UBR3: variants seen among roughly 807,000 people sequenced by gnomAD.
The protein encoded by UBR3 is ubiquitin protein ligase E3 component n-recognin 3.
UBR3 carries 85 observed loss-of-function variants against 243.2 expected under a neutral mutation model. The observed-to-expected ratio is 0.35, with a 90% CI of 0.29 to 0.42. The LOEUF (loss-of-function observed/expected upper bound fraction) is 0.42, where lower values mean the gene tolerates loss of function less well. UBR3 is among the 10% of genes least tolerant of loss of function. The probability of loss-of-function intolerance (pLI) is 1.00; values close to 1 mark genes in which losing one functional copy is unlikely to be tolerated. For synonymous variants in UBR3, 748 were observed against 799.8 expected (o/e 0.94, Z 1.09); for missense variants, 1,686 against 2,300.8 (o/e 0.73, Z 5.47).
chr2:169,989,729 G>A (rs1160402194), intron 25 of UBR3, among the ~76,000 whole-genome samples: 1 of 152,060 alleles, frequency 6.6e-6, no homozygotes, highest in Non-Finnish European at 1.5e-5. Flanking sequence ...AGATAGTGGG[G>A]TTTAAAAATC....
intron 23 of UBR3, among the ~76,000 whole-genome samples, chr2:169,957,954 T>G (rs1410313104): frequency 6.6e-6 from 1 of 152,204 alleles, no homozygotes; most frequent in Non-Finnish European, 1.5e-5. Context: ...GTTCATTCTC[T>G]GTTAGGAGAG....
At chr2:170,042,798 GTAAT>G (rs1309397435) in intron 32 of UBR3, among the ~76,000 whole-genome samples, 3 of 151,138 alleles carry the variant, frequency 2.0e-5, no homozygotes, top group East Asian at 3.9e-4. Flanking sequence ...ACTTCTTCAG[GTAAT>G]TATATATTTA....
At chr2:170,055,379 G>A (rs2091310627) in intron 32 of UBR3, 81 bp from the exon 33 acceptor site, 1 of 1,490,650 alleles carries the variant, frequency 6.7e-7, no homozygotes, top group Non-Finnish European at 9.1e-7. Flanking sequence ...ACATATGCAA[G>A]GAAAGGCATA....
At chr2:170,015,442 G>C (rs2090207857) in intron 30 of UBR3, 76 bp downstream of exon 30, 1 of 1,191,376 alleles carries the variant, frequency 8.4e-7, no homozygotes, top group South Asian at 1.4e-5. Flanking sequence ...GTGACATTTT[G>C]GTATATTTCA....
chr2:170,055,712 A>G (rs147073251), intron 33 of UBR3, 128 bp downstream of exon 33: 5 of 1,180,902 alleles, frequency 4.2e-6, no homozygotes, highest in East Asian at 5.5e-5. Context: ...GAGCACCTAC[A>G]GGCTAAAAAA....
intron 35 of UBR3, among the ~76,000 whole-genome samples, chr2:170,069,941 A>C: frequency 6.6e-6 from 1 of 152,060 alleles, no homozygotes; most frequent in East Asian, 1.9e-4. Context: ...GATTACTTAT[A>C]ATACCTAATA....
At chr2:170,022,588 T>C (rs1158453825) in intron 30 of UBR3, among the ~76,000 whole-genome samples, 1 of 152,150 alleles carries the variant, frequency 6.6e-6, no homozygotes, top group African/African-American at 2.4e-5. Context: ...TTTTACCTCA[T>C]TGTGGAAGTG....
chr2:169,893,543 G>A (rs1307151213), intron 6 of UBR3, among the ~76,000 whole-genome samples: 1 of 152,190 alleles, frequency 6.6e-6, no homozygotes, highest in Non-Finnish European at 1.5e-5. Flanking sequence ...AGGTACAGCA[G>A]TGTGCTGTGG....
intron 30 of UBR3, among the ~76,000 whole-genome samples, chr2:170,027,239 C>T (rs2090552902): frequency 6.6e-6 from 1 of 151,334 alleles, no homozygotes; most frequent in Non-Finnish European, 1.5e-5. Context: ...GCCCAACTTA[C>T]ATACTATAGA....
rs188585149 is a variant in UBR3 at position 169,873,259 on chromosome 2, A to G, written c.685+884A>G. On this transcript the variant is annotated intron_variant, in intron 2 of 38. Transcript: ENST00000272793. Reference sequence around the variant, plus strand: ...ATGTTATATAATGTCCTCATTTCTAAAACTGTCTTGTTATCTTTATTGTGA... The same window carrying G: ...ATGTTATATAATGTCCTCATTTCTAGAACTGTCTTGTTATCTTTATTGTGA... Among the ~76,000 whole-genome samples the G allele has an allele frequency of 5.0e-3, 766 of 152,230 alleles. 3 individuals are homozygous for G. The highest frequency in any genetic ancestry group is 9.1e-3 in the Admixed American group (139 of 15,278).
At chr2:170,048,174 C>T (rs1268774710) in intron 32 of UBR3, among the ~76,000 whole-genome samples, 4 of 152,140 alleles carry the variant, frequency 2.6e-5, no homozygotes, top group Non-Finnish European at 4.4e-5. Context: ...TTGTGAGGAT[C>T]ATTCTTTAAT....
intron 1 of UBR3, among the ~76,000 whole-genome samples, chr2:169,855,413 G>C (rs1176671302): frequency 6.6e-6 from 1 of 151,568 alleles, no homozygotes; most frequent in Non-Finnish European, 1.5e-5. Context: ...GATTTGGCAG[G>C]GTCATAGGAC....
intron 5 of UBR3, among the ~76,000 whole-genome samples, chr2:169,878,942 T>C (rs2083718334): frequency 6.6e-6 from 1 of 152,184 alleles, no homozygotes; most frequent in Non-Finnish European, 1.5e-5. Context: ...AAAATTTCGC[T>C]AAGTTTAGGA....
intron 25 of UBR3, among the ~76,000 whole-genome samples, chr2:169,994,024 C>T (rs577864210): frequency 4.6e-5 from 7 of 152,176 alleles, no homozygotes; most frequent in African/African-American, 1.2e-4. Context: ...TTTGTGAATA[C>T]TGGAGAGTTA....
chr2:170,042,592 G>A (rs2090994468), intron 32 of UBR3, among the ~76,000 whole-genome samples: 1 of 151,102 alleles, frequency 6.6e-6, no homozygotes, highest in African/African-American at 2.4e-5. Flanking sequence ...GGGAGGCTGA[G>A]GCATGAGAAC....
chr2:169,900,860 C>T (rs1050666070), intron 8 of UBR3, among the ~76,000 whole-genome samples: 1 of 151,988 alleles, frequency 6.6e-6, no homozygotes, highest in Non-Finnish European at 1.5e-5. Flanking sequence ...GTCCATGACT[C>T]ATGTAGACAT....
In UBR3 at chr2:169,949,930, G is replaced by C; in HGVS notation, c.3410G>C (p.Arg1137Thr). The change falls in exon 23 of 39, where the codon AGA becomes ACA. Residue 1137 changes from arginine to threonine, a missense_variant. By Grantham distance (71) the Arg-to-Thr change is moderately conservative (BLOSUM62 -1). This residue lies in a region of UBR3 where 300 missense variants were observed against 314.4 expected (regional missense o/e 0.95). Coordinates refer to ENST00000272793, the MANE Select transcript of UBR3 (RefSeq NM_172070.4). Reference protein sequence around the residue: ...SHGDGITAVERILLKAASQSR... With the variant: ...SHGDGITAVETILLKAASQSR... The stretch of plus-strand genomic sequence containing the variant: ...GGAGATGGTATAACTGCCGTGGAAA[G>C]AATTTTACTAAAAGCTGCATCGCAA... 1 of 1,613,648 alleles carries C rather than the reference G, an allele frequency of 6.2e-7. No individual in the cohort carries two copies. The highest frequency in any genetic ancestry group is 2.2e-5 in the East Asian group (1 of 44,846).
chr2:169,959,426 A>C (rs1372893901), intron 24 of UBR3, among the ~76,000 whole-genome samples: 2 of 151,690 alleles, frequency 1.3e-5, no homozygotes, highest in Admixed American at 6.6e-5. Flanking sequence ...TTGACTTTCC[A>C]CTTGTGGCAT....
At position 169,986,817 on chromosome 2, in the gene UBR3, A is replaced by C. The variant is rs975835106; in HGVS notation, c.3784+23A>C. 8.1e-6 allele frequency: 13 copies of C among 1,612,642 alleles called. No individual in the cohort carries two copies. The African/African-American group carries it at 1.3e-4, about 17-fold the overall frequency. ...CAGGTAAAATCAAAGTAATTTTTTCATGGGAACATTTTAGAGCTGAAGTAT... is the reference window on the plus strand; with the variant it reads ...CAGGTAAAATCAAAGTAATTTTTTCCTGGGAACATTTTAGAGCTGAAGTAT... On this transcript the variant is annotated intron_variant, in intron 25 of 38. Transcript: ENST00000272793.
Sources: gnomAD v4.1 joint callset for allele counts (sites outside exome capture counted in the v4.1 genomes callset) on GRCh38, gnomAD v4.1.1 for gene constraint, gnomAD v4.1.1 regional missense constraint, MANE v1.5 for transcripts, NCBI Gene and HGNC (gene_info 2026-07-23, HGNC 2026-07-21) for gene names.